Variants in MEGF10 observed in about 807,000 individuals in gnomAD.
MEGF10 encodes the protein multiple EGF like domains 10.
MEGF10 carries 86 observed loss-of-function variants against 147.5 expected under a neutral mutation model. The observed-to-expected ratio is 0.58, with a 90% CI of 0.49 to 0.70. The LOEUF is 0.70. Ranked by LOEUF, MEGF10 falls within the 30% of genes least tolerant of loss-of-function variation. MEGF10 has a pLI of 0.00. For synonymous variants in MEGF10, 478 were observed against 525.5 expected, an observed-to-expected ratio of 0.91 and a Z score of 1.24; for missense variants, 1,329 against 1,487.3, an observed-to-expected ratio of 0.89 and a Z score of 1.75.
At chr5:127,275,480 G>T in the MEGF10 span, among the ~76,000 whole-genome samples, 5 of 152,230 alleles carry the variant, frequency 3.3e-5, no homozygotes, top group African/African-American at 4.8e-5. Flanking sequence ...AAGGGACATA[G>T]AAACTACTAC....
At position 127,435,452 on chromosome 5, in the gene MEGF10, G is replaced by A; in HGVS notation, c.2067G>A (p.Gln689=). The change falls in exon 16 of 25, where the codon CAG becomes CAA. Residue 689 remains glutamine (Q), a synonymous_variant. Coordinates refer to ENST00000503335, the MANE Select transcript of MEGF10 (RefSeq NM_001256545.2). ...GTAACCCCATTGACAGATCTTGTCAGTGTTACCCCGGTTGGATTGGCAGTG... is the reference window on the plus strand; with the variant it reads ...GTAACCCCATTGACAGATCTTGTCAATGTTACCCCGGTTGGATTGGCAGTG... The part of the protein sequence containing the change: ...GTCNPIDRSC[Q]CYPGWIGSDC... The A allele has an allele frequency of 4.3e-6, 7 of 1,614,054 alleles. No individual in the cohort carries two copies. Among genetic ancestry groups the A allele is most frequent in the Non-Finnish European group, 5.1e-6 (6 of 1,179,952 alleles).
intron 5 of MEGF10, among the ~76,000 whole-genome samples, chr5:127,372,381 C>T (rs541637864): frequency 6.6e-6 from 1 of 152,322 alleles, no homozygotes; most frequent in South Asian, 2.1e-4. Flanking sequence ...TGCTCAAACC[C>T]AGTCTCCCCC....
At chr5:127,284,909 G>A in the MEGF10 span, among the ~76,000 whole-genome samples, 1 of 152,076 alleles carries the variant, frequency 6.6e-6, no homozygotes, top group Admixed American at 6.6e-5. Context: ...GAACTGGTAG[G>A]GTGACTTAGT....
At chr5:127,400,505 T>G (rs1764084738) in intron 7 of MEGF10, among the ~76,000 whole-genome samples, 1 of 152,248 alleles carries the variant, frequency 6.6e-6, no homozygotes, top group South Asian at 2.1e-4. Context: ...TTCTGACTCC[T>G]CCTGTTCTTT....
chr5:127,308,725 A>G, intron 1 of MEGF10, among the ~76,000 whole-genome samples: 1 of 151,578 alleles, frequency 6.6e-6, no homozygotes. Context: ...GGGTGGGGGG[A>G]AGGGGGAGGG....
Position 127,383,303 on chromosome 5 carries a change from G to A in MEGF10, c.413-13229G>A, listed in dbSNP as rs116284615. On this transcript the variant is annotated intron_variant, in intron 5 of 24. Transcript: ENST00000503335. ...CTCCGTTACTATAAACTTGTATATAGCATTCCATTATATTAGCAGATTTAT... is the reference window on the plus strand; with the variant it reads ...CTCCGTTACTATAAACTTGTATATAACATTCCATTATATTAGCAGATTTAT... Among the ~76,000 whole-genome samples the A allele has an allele frequency of 4.9e-3, 743 of 152,096 alleles. 9 individuals carry two copies. The Middle Eastern group carries it at 0.054, about 11-fold the overall frequency.
chr5:127,276,657 C>G, the MEGF10 span, among the ~76,000 whole-genome samples: 1 of 152,148 alleles, frequency 6.6e-6, no homozygotes, highest in African/African-American at 2.4e-5. Context: ...AAAATATATT[C>G]ATTATATTTG....
intron 1 of MEGF10, among the ~76,000 whole-genome samples, chr5:127,301,542 A>C (rs1759772139): frequency 6.6e-6 from 1 of 152,162 alleles, no homozygotes; most frequent in South Asian, 2.1e-4. Context: ...ATGTGATTAA[A>C]GTTGTGGGTT....
chr5:127,249,355 GA>G, the MEGF10 span, among the ~76,000 whole-genome samples: 26 of 149,876 alleles, frequency 1.7e-4, no homozygotes, highest in African/African-American at 6.3e-4. Context: ...GAGAGAGAGA[GA>G]AGAAGAAGGA....
intron 20 of MEGF10, 60 bp from the exon 21 acceptor site, chr5:127,447,497 C>G: frequency 1.2e-6 from 2 of 1,606,240 alleles, no homozygotes; most frequent in Non-Finnish European, 8.5e-7. Flanking sequence ...TTTTGATTCC[C>G]TTTTTTCACA....
the MEGF10 span, among the ~76,000 whole-genome samples, chr5:127,252,060 T>C: frequency 6.6e-6 from 1 of 152,044 alleles, no homozygotes; most frequent in Non-Finnish European, 1.5e-5. Context: ...ATTAATGTGA[T>C]ACATTTTAAT....
chr5:127,313,929 A>C (rs759291298), intron 1 of MEGF10, among the ~76,000 whole-genome samples: 8 of 152,158 alleles, frequency 5.3e-5, no homozygotes, highest in Non-Finnish European at 1.2e-4. Context: ...GGGATGATAC[A>C]CCTCATGTTT....
intron 1 of MEGF10, among the ~76,000 whole-genome samples, chr5:127,328,019 A>T (rs909831113): frequency 3.3e-5 from 5 of 152,084 alleles, no homozygotes; most frequent in African/African-American, 1.2e-4. Flanking sequence ...GCCTGGCCTA[A>T]ATGTCCTATC....
At chr5:127,247,342 AAG>A in the MEGF10 span, among the ~76,000 whole-genome samples, 1 of 16,194 alleles carries the variant, frequency 6.2e-5, no homozygotes, top group Non-Finnish European at 1.1e-4. Context: ...GAAGAAGAAG[AAG>A]AAGAAGAAGA....
chr5:127,347,898 C>T (rs72786494), intron 4 of MEGF10, among the ~76,000 whole-genome samples: 8,746 of 151,982 alleles, frequency 0.058, 299 homozygotes, highest in Non-Finnish European at 0.081. Context: ...GTTCTCATGC[C>T]TATTAATCAT....
intron 5 of MEGF10, among the ~76,000 whole-genome samples, chr5:127,393,003 C>T (rs1376422862): frequency 5.9e-5 from 9 of 152,174 alleles, no homozygotes; most frequent in East Asian, 3.8e-4. Flanking sequence ...GAAAATGAGT[C>T]GGCACTTGCT....
rs1199547952 is a variant in MEGF10, at chr5:127,377,666, C to T, written c.412+7664C>T. 3.9e-5 allele frequency among the ~76,000 whole-genome samples: 6 copies of T among 152,112 alleles called. No individual in the cohort carries two copies. In the South Asian group the frequency reaches 1.0e-3, roughly 26 times the overall value. ...GCAGGATATTCGAATGGGGGGAATC[C>T]ATTTGAAGGATATTATGAGCCAGAA... On this transcript the variant is annotated intron_variant, in intron 5 of 24. Coordinates refer to ENST00000503335, the MANE Select transcript of MEGF10 (RefSeq NM_001256545.2).
chr5:127,235,057 A>G, the MEGF10 span, among the ~76,000 whole-genome samples: 1 of 151,916 alleles, frequency 6.6e-6, no homozygotes, highest in Non-Finnish European at 1.5e-5. Context: ...TGTTGGCCAG[A>G]CTGGTTGCGA....
intron 12 of MEGF10, among the ~76,000 whole-genome samples, chr5:127,420,926 C>T (rs1764975141): frequency 6.6e-6 from 1 of 152,216 alleles, no homozygotes; most frequent in South Asian, 2.1e-4. Context: ...GCCTCCAGGA[C>T]ATCATCTGAT....
Sources: gnomAD v4.1 joint callset for allele counts (sites outside exome capture counted in the v4.1 genomes callset) on GRCh38, gnomAD v4.1.1 for gene constraint, MANE v1.5 for transcripts, NCBI Gene and HGNC (gene_info 2026-07-23, HGNC 2026-07-21) for gene names.